CEMIP: variants seen among roughly 807,000 people sequenced by gnomAD.
The protein encoded by CEMIP is cell migration-inducing and hyaluronan-binding protein.
Under a neutral mutation model 156.9 loss-of-function variants are expected in CEMIP, and 105 were observed. That is an observed-to-expected ratio of 0.67 (90% CI 0.57 to 0.79). CEMIP has a LOEUF of 0.79. CEMIP is among the 30% of genes least tolerant of loss of function. CEMIP has a pLI of 0.00. For synonymous variants in CEMIP, 676 were observed against 668.4 expected, an observed-to-expected ratio of 1.01 and a Z score of -0.17; for missense variants, 1,457 against 1,769.4, an observed-to-expected ratio of 0.82 and a Z score of 3.17.
Position 80,928,762 on chromosome 15 carries a change from C to T in CEMIP, c.2421-140C>T, listed in dbSNP as rs146918880. ...CAGGAGAGCCACAACTCCCTGAGCACGACTCTGCTTATGTAGAGACTCCTT... is the reference window on the plus strand; with the variant it reads ...CAGGAGAGCCACAACTCCCTGAGCATGACTCTGCTTATGTAGAGACTCCTT... On this transcript the variant is annotated intron_variant, in intron 19 of 29. Coordinates refer to ENST00000394685, the MANE Select transcript of CEMIP (RefSeq NM_001293298.2). 7.7e-4 allele frequency: 826 copies of T among 1,068,380 alleles called. 2 individuals are homozygous for T. In the African/African-American group the frequency reaches 8.2e-3, roughly 11 times the overall value. The allele number at this position is 1,068,380 out of a possible 1,614,324, so 66.2% of individuals were successfully genotyped here. A position where few individuals can be genotyped will look rare whatever the true frequency, so the allele number is the denominator to read the frequency against.
Position 80,929,049 on chromosome 15 carries a change from C to T in CEMIP, c.2487C>T (p.Ser829=). Residue 829 remains serine, a synonymous_variant, in exon 21 of 30, where the codon TCC becomes TCT. Coordinates refer to ENST00000394685, the MANE Select transcript of CEMIP (RefSeq NM_001293298.2). The part of the protein sequence containing the change: ...SGGTFPYDDG[S]KQEIKNSLFV... ...GAACCTTCCCGTATGACGACGGCTC[C>T]AAGCAAGAGATAAAGAACAGCTTGT... 6.2e-7 allele frequency: 1 copy of T among 1,614,180 alleles called. No homozygotes were observed. Among genetic ancestry groups the T allele is most frequent in the Admixed American group, 1.7e-5 (1 of 60,024 alleles).
At chr15:80,813,172 C>T (rs1036341693) in intron 1 of CEMIP, among the ~76,000 whole-genome samples, 3 of 152,084 alleles carry the variant, frequency 2.0e-5, no homozygotes, top group Non-Finnish European at 2.9e-5. Flanking sequence ...AGAAGCTGGT[C>T]ACTTCTGGGT....
In CEMIP at chr15:80,843,098, A is replaced by G. The variant is rs115048437; in HGVS notation, c.-175-30440A>G. The stretch of plus-strand genomic sequence containing the variant: ...CAGGTAGAACCATCCCATAAATGAT[A>G]ACAGTGAACTCACTACATGCCAGAC... On this transcript the variant is annotated intron_variant, in intron 1 of 29. Coordinates refer to ENST00000394685, the MANE Select transcript of CEMIP (RefSeq NM_001293298.2). Among the ~76,000 whole-genome samples the G allele has an allele frequency of 2.3e-3, 347 of 152,344 alleles. 1 individual carries two copies. Among genetic ancestry groups the G allele is most frequent in the African/African-American group, 8.1e-3 (335 of 41,580 alleles).
At chr15:80,832,567 A>G (rs1183282190) in intron 1 of CEMIP, among the ~76,000 whole-genome samples, 1 of 152,148 alleles carries the variant, frequency 6.6e-6, no homozygotes, top group Non-Finnish European at 1.5e-5. Context: ...TGAGACACTC[A>G]TACATGTCAG....
chr15:80,900,586 GTGTGTGTGTGTGTGTGTGTGT>G (rs1899445919), intron 12 of CEMIP, among the ~76,000 whole-genome samples: 1 of 29,192 alleles, frequency 3.4e-5, no homozygotes, highest in Admixed American at 3.5e-4. Context: ...CCAGGTAGGG[GTGTGTGTGTGTGTGTGTGTGT>G]GTGTGTGTGT....
intron 14 of CEMIP, among the ~76,000 whole-genome samples, chr15:80,918,013 G>A (rs1242482876): frequency 1.3e-5 from 2 of 152,148 alleles, no homozygotes; most frequent in African/African-American, 2.4e-5. Flanking sequence ...AGTGGCTCAC[G>A]CCTGTAATCC....
chr15:80,872,810 T>C (rs1487102186), intron 1 of CEMIP, among the ~76,000 whole-genome samples: 1 of 152,180 alleles, frequency 6.6e-6, no homozygotes, highest in African/African-American at 2.4e-5. Flanking sequence ...CAAGACTCTG[T>C]CTTAATAAAA....
intron 19 of CEMIP, among the ~76,000 whole-genome samples, chr15:80,927,186 G>C (rs144522078): frequency 5.6e-4 from 85 of 152,346 alleles, no homozygotes; most frequent in African/African-American, 2.0e-3. Context: ...AAGAAGGGAA[G>C]GGAGAAAAGG....
At chr15:80,845,775 CAGTGAGCTAGATCG>C (rs2141719851) in intron 1 of CEMIP, among the ~76,000 whole-genome samples, 1 of 152,288 alleles carries the variant, frequency 6.6e-6, no homozygotes, top group East Asian at 1.9e-4. Flanking sequence ...AAAATCCTGT[CAGTGAGCTAGATCG>C]AGTCATTAGG....
At chr15:80,839,353 G>C (rs999984168) in intron 1 of CEMIP, among the ~76,000 whole-genome samples, 2 of 145,228 alleles carry the variant, frequency 1.4e-5, no homozygotes, top group African/African-American at 5.6e-5. Flanking sequence ...CTTCAACAGA[G>C]GCCAGACTTA....
intron 1 of CEMIP, among the ~76,000 whole-genome samples, chr15:80,860,613 T>C (rs1351831991): frequency 6.6e-6 from 1 of 152,196 alleles, no homozygotes; most frequent in Non-Finnish European, 1.5e-5. Context: ...AGGCAATCAA[T>C]GCAGCACTGA....
intron 2 of CEMIP, 38 bp from the exon 3 acceptor site, chr15:80,873,826 C>A: frequency 6.8e-7 from 1 of 1,466,572 alleles, no homozygotes; most frequent in Non-Finnish European, 9.3e-7. Context: ...TCCAGCCTGC[C>A]AAGGCTGCAT....
At chr15:80,801,953 T>C (rs1371664057) in intron 1 of CEMIP, among the ~76,000 whole-genome samples, 3 of 152,298 alleles carry the variant, frequency 2.0e-5, no homozygotes, top group South Asian at 4.1e-4. Flanking sequence ...TACAGGAGGA[T>C]GTATGTATGT....
intron 1 of CEMIP, among the ~76,000 whole-genome samples, chr15:80,801,889 A>C (rs1469868757): frequency 6.6e-6 from 1 of 152,236 alleles, no homozygotes; most frequent in African/African-American, 2.4e-5. Context: ...AACTATTGAC[A>C]AAGCATTTAC....
At position 80,884,348 on chromosome 15, in the gene CEMIP, G is replaced by T; in HGVS notation, c.791G>T (p.Gly264Val). 1 of 1,614,052 alleles carries T rather than the reference G, an allele frequency of 6.2e-7. No homozygotes were observed. Among genetic ancestry groups the T allele is most frequent in the Middle Eastern group, 1.7e-4 (1 of 6,036 alleles). ...KLGSKHFLHL[G>V]FRHPWSFLTV... ...GGAAGCAAACACTTCCTGCACCTTGGATTTAGGTACTGCCCCTCACTTCGG... is the reference window on the plus strand; with the variant it reads ...GGAAGCAAACACTTCCTGCACCTTGTATTTAGGTACTGCCCCTCACTTCGG... The change falls in exon 7 of 30, where the codon GGA (glycine) becomes GTA (valine). Residue 264 changes from glycine to valine, a missense_variant. Physicochemically the swap from Gly to Val is moderately radical, Grantham distance 109. Around this residue, in one of 5 missense-constraint regions of CEMIP, gnomAD observed 309 missense variants for 340.8 expected, o/e 0.91. Transcript: ENST00000394685.
Position 80,951,503 on chromosome 15 carries a change from T to C in CEMIP, c.*2579T>C, listed in dbSNP as rs999449610. 4 of 152,678 alleles carry C rather than the reference T, an allele frequency of 2.6e-5. No homozygotes were observed. The highest frequency in any genetic ancestry group is 5.9e-5 in the Non-Finnish European group (4 of 68,038). The allele number at this position is 152,678 out of a possible 1,614,324, so 9.5% of individuals were successfully genotyped here. ...GCTTGTCTTTTTTCTGTTGCCGAAA[T>C]AGCTGGTCCTTTTTCGGGAGTTAGA... On this transcript the variant is annotated 3_prime_UTR_variant, in exon 30 of 30. Transcript: ENST00000394685.
At chr15:80,835,081 CAGAGAGAGAGAG>C (rs36062989) in intron 1 of CEMIP, among the ~76,000 whole-genome samples, 71 of 150,766 alleles carry the variant, frequency 4.7e-4, no homozygotes, top group African/African-American at 1.6e-3. Context: ...GTCCTCATTG[CAGAGAGAGAGAG>C]AGAGAGAGAG....
rs200534481 is a variant in CEMIP at position 80,869,079 on chromosome 15, T to TG, written c.-175-4458dup. Among the ~76,000 whole-genome samples the TG allele has an allele frequency of 5.7e-3, 872 of 152,262 alleles. 12 individuals are homozygous for TG. The highest frequency in any genetic ancestry group is 0.016 in the African/African-American group (672 of 41,544). On this transcript the variant is annotated intron_variant, in intron 1 of 29. Coordinates refer to ENST00000394685, the MANE Select transcript of CEMIP (RefSeq NM_001293298.2). Reference sequence around the variant, plus strand: ...TCTTCTGAAGCCTCTCTCCTTGGCTTGAAGCCTCTCTCCTTGGCTTGAAGG... The same window carrying TG: ...TCTTCTGAAGCCTCTCTCCTTGGCTTGGAAGCCTCTCTCCTTGGCTTGAAGG...
At chr15:80,881,269 A>G in intron 6 of CEMIP, 133 bp downstream of exon 6, 1 of 832,508 alleles carries the variant, frequency 1.2e-6, no homozygotes, top group Non-Finnish European at 2.1e-6. Context: ...CCCTGCCTTC[A>G]AGGAGTTCTG....
Sources: gnomAD v4.1 joint callset for allele counts (sites outside exome capture counted in the v4.1 genomes callset) on GRCh38, gnomAD v4.1.1 for gene constraint, gnomAD v4.1.1 regional missense constraint, MANE v1.5 for transcripts, NCBI Gene and HGNC (gene_info 2026-07-23, HGNC 2026-07-21) for gene names.